The following TMEM260 variants were observed in gnomAD, a reference collection of about 807,000 sequenced individuals.
TMEM260 encodes the protein transmembrane protein 260.
A neutral mutation model predicts 88.9 loss-of-function variants in TMEM260; 82 were observed. That is an observed-to-expected ratio of 0.92 (90% confidence interval 0.77 to 1.11). The LOEUF is 1.11. Ranked by LOEUF, TMEM260 falls within the 50% of genes least tolerant of loss-of-function variation. The probability of loss-of-function intolerance (pLI) is 0.00; values close to 1 mark genes in which losing one functional copy is unlikely to be tolerated. For missense variants in TMEM260, 902 were observed against 853.4 expected (o/e 1.06, Z -0.71); for synonymous variants, 314 against 309.3 (o/e 1.02, Z -0.16).
At position 56,647,761 on chromosome 14, in the gene TMEM260, A is replaced by C. The variant is rs898207274; in HGVS notation, c.*264A>C. ...AAAGTCTTCTGACTTCCAGTCTTTC[A>C]CCAGATGACTGCACTGGATTAGATT... On this transcript the variant is annotated 3_prime_UTR_variant, in exon 16 of 16. Transcript: ENST00000261556. 2.3e-6 allele frequency: 1 copy of C among 428,850 alleles called. No individual in the cohort carries two copies. The highest frequency in any genetic ancestry group is 6.4e-4 in the Middle Eastern group (1 of 1,560). 26.6% of individuals were successfully genotyped at this position (428,850 alleles called of 1,614,324 possible).
chr14:56,616,786 A>G (rs751459196), intron 8 of TMEM260, among the ~76,000 whole-genome samples: 53 of 152,228 alleles, frequency 3.5e-4, no homozygotes, highest in Non-Finnish European at 6.6e-4. Context: ...ATATTATCAA[A>G]TTAAATTTTC....
At chr14:56,647,141 A>C in intron 15 of TMEM260, 102 bp from the exon 16 acceptor site, 2 of 1,336,028 alleles carry the variant, frequency 1.5e-6, no homozygotes, top group Non-Finnish European at 2.0e-6. Flanking sequence ...AGGCTGCTTG[A>C]ATTTTTTTTT....
intron 5 of TMEM260, 31 bp downstream of exon 5, chr14:56,605,714 C>A (rs1320827908): frequency 7.7e-7 from 1 of 1,293,518 alleles, no homozygotes; most frequent in Admixed American, 2.2e-5. Flanking sequence ...AAAAAAAGTA[C>A]AATATTTTAC....
intron 3 of TMEM260, 102 bp downstream of exon 3, chr14:56,586,014 C>G: frequency 1.7e-6 from 2 of 1,185,258 alleles, no homozygotes; most frequent in South Asian, 3.0e-5. Context: ...TGCTTGGTTT[C>G]CCTAACACAT....
At chr14:56,593,125 T>G (rs1885966893) in intron 3 of TMEM260, 1 of 152,238 alleles carries the variant, frequency 6.6e-6, no homozygotes, top group Non-Finnish European at 1.5e-5. Flanking sequence ...ATGAATAGTA[T>G]TCCATCAGTG....
At chr14:56,614,394 A>T (rs913637001) in intron 7 of TMEM260, among the ~76,000 whole-genome samples, 3 of 152,010 alleles carry the variant, frequency 2.0e-5, no homozygotes, top group Non-Finnish European at 4.4e-5. Flanking sequence ...AAAAATAAAG[A>T]TAAAGACAGT....
downstream of TMEM260, among the ~76,000 whole-genome samples, chr14:56,652,924 C>T (rs528321469): frequency 4.9e-4 from 75 of 152,250 alleles, no homozygotes; most frequent in South Asian, 0.012. Flanking sequence ...CTTATTTAAA[C>T]TGATTGTCAA....
intron 15 of TMEM260, among the ~76,000 whole-genome samples, chr14:56,645,214 A>G (rs1164208871): frequency 1.4e-5 from 2 of 142,268 alleles, no homozygotes; most frequent in African/African-American, 2.5e-5. Context: ...TTGCGGCACT[A>G]TTCACAATAG....
At chr14:56,615,652 G>C (rs1368444048) in intron 7 of TMEM260, 1 of 244,344 alleles carries the variant, frequency 4.1e-6, no homozygotes, top group African/African-American at 2.2e-5. Flanking sequence ...AAACCAGTCG[G>C]GGATATTCTA....
intron 3 of TMEM260, 95 bp from the exon 4 acceptor site, chr14:56,603,720 A>G (rs945735075): frequency 2.3e-6 from 3 of 1,324,314 alleles, no homozygotes; most frequent in Non-Finnish European, 3.2e-6. Flanking sequence ...GTGCTGGGTG[A>G]CTATCATAAT....
chr14:56,647,524 A>T lies in TMEM260; in HGVS notation c.*27A>T. ...ACAGCAAAATATGAAAAACCTGCTC[A>T]TCGTTCAGCTTCCAAAATTCTGAAG... On this transcript the variant is annotated 3_prime_UTR_variant, in exon 16 of 16. Transcript: ENST00000261556. 1 of 1,555,222 alleles carries T rather than the reference A, an allele frequency of 6.4e-7. No homozygotes were observed. The highest frequency in any genetic ancestry group is 8.6e-7 in the Non-Finnish European group (1 of 1,156,800).
chr14:56,603,765 G>A (rs61995019), intron 3 of TMEM260, 50 bp from the exon 4 acceptor site: 1 of 1,606,538 alleles, frequency 6.2e-7, no homozygotes, highest in African/African-American at 1.3e-5. Flanking sequence ...GGAAAATAAA[G>A]TTAGTTCTTT....
At chr14:56,580,106 C>G (rs773125771) in intron 1 of TMEM260, 32 bp downstream of exon 1, 27 of 1,247,796 alleles carry the variant, frequency 2.2e-5, no homozygotes, top group Non-Finnish European at 2.6e-5. Flanking sequence ...CCCTTCTGTC[C>G]CTCTCCCCTG....
At chr14:56,628,893 TTTC>T (rs1417323253) in intron 12 of TMEM260, among the ~76,000 whole-genome samples, 3 of 126,156 alleles carry the variant, frequency 2.4e-5, no homozygotes, top group Non-Finnish European at 5.4e-5. Flanking sequence ...ACTTTTTGTA[TTTC>T]TTTTTTTTTT....
intron 1 of TMEM260, among the ~76,000 whole-genome samples, chr14:56,583,855 T>A (rs1452959556): frequency 1.3e-5 from 2 of 152,138 alleles, no homozygotes; most frequent in Non-Finnish European, 2.9e-5. Flanking sequence ...GAACATAGGT[T>A]TCATGGATAT....
At chr14:56,583,001 A>G (rs138870176) in intron 1 of TMEM260, among the ~76,000 whole-genome samples, 3 of 152,330 alleles carry the variant, frequency 2.0e-5, no homozygotes, top group Admixed American at 1.3e-4. Context: ...TGGTAAAAAG[A>G]AGTTAGAGAA....
chr14:56,605,830 A>G, intron 5 of TMEM260, 147 bp downstream of exon 5: 1 of 487,600 alleles, frequency 2.1e-6, no homozygotes, highest in Non-Finnish European at 3.5e-6. Flanking sequence ...TATTGACTGA[A>G]AAAAATAGGA....
chr14:56,655,242 T>C (rs1030878996), downstream of TMEM260, among the ~76,000 whole-genome samples: 4 of 151,792 alleles, frequency 2.6e-5, no homozygotes, highest in African/African-American at 9.7e-5. Flanking sequence ...ATACAAAAAT[T>C]AGCCAGGCAA....
chr14:56,644,882 C>A (rs1889850176), intron 15 of TMEM260, among the ~76,000 whole-genome samples: 1 of 152,120 alleles, frequency 6.6e-6, no homozygotes, highest in Admixed American at 6.6e-5. Context: ...GCCAAAAAAA[C>A]ACATGAAAAG....
Sources: allele counts gnomAD v4.1 joint callset (sites outside exome capture counted in the v4.1 genomes callset), GRCh38; gene constraint gnomAD v4.1.1; transcripts MANE v1.5; gene names NCBI Gene and HGNC (gene_info 2026-07-23, HGNC 2026-07-21).